CMTM8: variants seen among roughly 807,000 people sequenced by gnomAD.
CMTM8 encodes CKLF-like MARVEL transmembrane domain-containing protein 8.
A neutral mutation model predicts 18.6 loss-of-function variants in CMTM8; 12 were observed. The ratio of observed to expected loss-of-function variants is 0.65; its 90% CI spans 0.41 to 1.05. The LOEUF (loss-of-function observed/expected upper bound fraction) is 1.05, where lower values mean the gene tolerates loss of function less well. CMTM8 is among the 50% of genes least tolerant of loss of function. CMTM8 has a pLI of 0.00. For missense variants in CMTM8, 217 were observed against 227.2 expected, an observed-to-expected ratio of 0.95 and a Z score of 0.29; for synonymous variants, 87 against 90.6, an observed-to-expected ratio of 0.96 and a Z score of 0.23.
At chr3:32,241,911 A>G (rs145438734) in intron 1 of CMTM8, among the ~76,000 whole-genome samples, 1 of 152,328 alleles carries the variant, frequency 6.6e-6, no homozygotes, top group East Asian at 1.9e-4. Context: ...TCACTAATTT[A>G]ACCCTAGTTG....
intron 1 of CMTM8, among the ~76,000 whole-genome samples, chr3:32,280,042 A>AT (rs34710543): frequency 3.3e-5 from 5 of 151,678 alleles, no homozygotes; most frequent in African/African-American, 9.7e-5. Flanking sequence ...ATAATTAGTG[A>AT]TTTTTTTAAG....
chr3:32,337,050 CTT>C (rs1355646992), intron 1 of CMTM8, among the ~76,000 whole-genome samples: 4 of 152,220 alleles, frequency 2.6e-5, no homozygotes, highest in African/African-American at 7.2e-5. Context: ...GCCAGACTGA[CTT>C]TTAAAACAGA....
intron 1 of CMTM8, among the ~76,000 whole-genome samples, chr3:32,301,590 C>G (rs1024377301): frequency 6.6e-6 from 1 of 151,984 alleles, no homozygotes; most frequent in African/African-American, 2.4e-5. Context: ...GGGAGGGGTC[C>G]TCTGTCTACC....
rs1466529369 is a variant in CMTM8 at position 32,298,955 on chromosome 3, A to ATAT, written c.148-58417_148-58416insATT. 1.2e-4 allele frequency among the ~76,000 whole-genome samples: 16 copies of ATAT among 129,002 alleles called. No individual in the cohort carries two copies. The East Asian group carries it at 4.5e-3, about 36-fold the overall frequency. 84.6% of individuals were successfully genotyped at this position (129,002 alleles called of 152,430 possible). A position where few individuals can be genotyped will look rare whatever the true frequency, so the allele number is the denominator to read the frequency against. On this transcript the variant is annotated intron_variant, in intron 1 of 3. Transcript: ENST00000307526. ...TATATATATATGTATATATATATAT[A>ATAT]TTTTTTTTTTTTTAGAGACAGGGGT...
chr3:32,335,264 A>G (rs1053519032), intron 1 of CMTM8, among the ~76,000 whole-genome samples: 24 of 152,122 alleles, frequency 1.6e-4, no homozygotes, highest in Non-Finnish European at 1.2e-4. Context: ...GAGAGCTGAG[A>G]GAGTATGAAG....
At chr3:32,363,894 A>G (rs1299568575) in intron 2 of CMTM8, among the ~76,000 whole-genome samples, 1 of 152,128 alleles carries the variant, frequency 6.6e-6, no homozygotes, top group South Asian at 2.1e-4. Context: ...CTGGTTGTAG[A>G]CAAGGTGGGG....
chr3:32,363,602 G>T (rs1444993227), intron 2 of CMTM8, among the ~76,000 whole-genome samples: 1 of 152,200 alleles, frequency 6.6e-6, no homozygotes, highest in Non-Finnish European at 1.5e-5. Context: ...AGACGAAGCA[G>T]CTGAAGAGGT....
Position 32,294,425 on chromosome 3 carries a change from T to C in CMTM8, c.147+55306T>C, listed in dbSNP as rs529450334. Among the ~76,000 whole-genome samples, 129 of 152,320 alleles carry C rather than the reference T, an allele frequency of 8.5e-4. 1 individual carries two copies. The highest frequency in any genetic ancestry group is 3.0e-3 in the African/African-American group (124 of 41,574). ...CATTTTTGTCCTTCTCCACGTTCCC[T>C]CTGGCTTAGTGCTGCTGCCTTGTGT... On this transcript the variant is annotated intron_variant, in intron 1 of 3. Transcript: ENST00000307526.
intron 1 of CMTM8, among the ~76,000 whole-genome samples, chr3:32,352,869 G>A (rs1008280544): frequency 4.6e-5 from 2 of 43,566 alleles, no homozygotes; most frequent in Non-Finnish European, 1.1e-4. Flanking sequence ...TTAAAACATA[G>A]GTTCTGTTTT....
rs1575146634 is a variant in CMTM8, at chr3:32,254,300, CCACTTCT to C, written c.147+15182_147+15188del. On this transcript the variant is annotated intron_variant, in intron 1 of 3. Coordinates refer to ENST00000307526, the MANE Select transcript of CMTM8 (RefSeq NM_178868.5). ...CTACATTTACAATGTTGTATAATTG[CCACTTCT>C]AATTCCAAAACACTTCATGTTCTCC... 2.6e-5 allele frequency among the ~76,000 whole-genome samples: 4 copies of C among 152,242 alleles called. No individual in the cohort carries two copies. The East Asian group carries it at 7.7e-4, about 29-fold the overall frequency.
intron 1 of CMTM8, among the ~76,000 whole-genome samples, chr3:32,355,839 C>T (rs1319974355): frequency 2.0e-5 from 3 of 152,194 alleles, no homozygotes; most frequent in Non-Finnish European, 2.9e-5. Flanking sequence ...GACCTTTGCC[C>T]ACGCTGTGTC....
At chr3:32,346,823 T>G (rs929799192) in intron 1 of CMTM8, among the ~76,000 whole-genome samples, 5 of 151,080 alleles carry the variant, frequency 3.3e-5, no homozygotes, top group Non-Finnish European at 7.4e-5. Flanking sequence ...TCTTTTTTTT[T>G]TTTTTTTCTT....
chr3:32,250,783 G>A (rs1357927084), intron 1 of CMTM8, among the ~76,000 whole-genome samples: 1 of 151,692 alleles, frequency 6.6e-6, no homozygotes, highest in Non-Finnish European at 1.5e-5. Context: ...AAAAATTATA[G>A]GGTTTCACCA....
At chr3:32,330,759 A>G (rs1020452178) in intron 1 of CMTM8, among the ~76,000 whole-genome samples, 7 of 152,246 alleles carry the variant, frequency 4.6e-5, no homozygotes, top group African/African-American at 1.4e-4. Context: ...AGTCTCTTCA[A>G]CAAATGGTTG....
At chr3:32,331,273 TCA>T (rs1696268730) in intron 1 of CMTM8, among the ~76,000 whole-genome samples, 1 of 152,194 alleles carries the variant, frequency 6.6e-6, no homozygotes, top group Non-Finnish European at 1.5e-5. Flanking sequence ...AGCTATTACC[TCA>T]CACCTGTTAG....
At chr3:32,323,959 T>A (rs1696108191) in intron 1 of CMTM8, among the ~76,000 whole-genome samples, 4 of 152,254 alleles carry the variant, frequency 2.6e-5, no homozygotes, top group African/African-American at 7.2e-5. Context: ...GGGCCAAAAC[T>A]GACCAGTTCT....
chr3:32,314,769 G>T (rs751833522), intron 1 of CMTM8, among the ~76,000 whole-genome samples: 4 of 152,074 alleles, frequency 2.6e-5, no homozygotes, highest in Non-Finnish European at 4.4e-5. Flanking sequence ...GAGCCTCCAC[G>T]CCAGGGCTAG....
At chr3:32,280,881 T>C (rs1216040740) in intron 1 of CMTM8, among the ~76,000 whole-genome samples, 1 of 141,708 alleles carries the variant, frequency 7.1e-6, no homozygotes, top group Non-Finnish European at 1.5e-5. Context: ...GTGACAATTA[T>C]ATTTGGAACT....
intron 1 of CMTM8, among the ~76,000 whole-genome samples, chr3:32,321,018 C>G (rs1276539775): frequency 2.6e-5 from 4 of 152,124 alleles, no homozygotes; most frequent in African/African-American, 9.7e-5. Context: ...CGATGACTTT[C>G]CTTTTTCTGG....
Sources: allele counts gnomAD v4.1 joint callset (sites outside exome capture counted in the v4.1 genomes callset), GRCh38; gene constraint gnomAD v4.1.1; transcripts MANE v1.5; gene names NCBI Gene and HGNC (gene_info 2026-07-23, HGNC 2026-07-21).